The following TRAPPC12 variants were observed in gnomAD, a reference collection of about 807,000 sequenced individuals.
TRAPPC12 encodes the protein trafficking protein particle complex subunit 12.
A neutral mutation model predicts 69.2 loss-of-function variants in TRAPPC12; 61 were observed. The observed-to-expected ratio is 0.88, with a 90% CI of 0.72 to 1.09. The LOEUF (loss-of-function observed/expected upper bound fraction) is 1.09. Among genes scored for constraint, TRAPPC12 ranks in the 50% least tolerant of loss-of-function variants. TRAPPC12 has a pLI of 0.00. For missense variants in TRAPPC12, 1,101 were observed against 1,016.4 expected (o/e 1.08, Z -1.13); for synonymous variants, 469 against 438.9 (o/e 1.07, Z -0.86).
intron 5 of TRAPPC12, among the ~76,000 whole-genome samples, chr2:3,429,573 C>T (rs142904695): frequency 9.3e-4 from 141 of 152,326 alleles, no homozygotes; most frequent in African/African-American, 2.9e-3. Flanking sequence ...GTAGAGTACT[C>T]TTGCATTGCA....
chr2:3,387,508 G>A, intron 1 of TRAPPC12, 112 bp from the exon 2 acceptor site: 1 of 894,670 alleles, frequency 1.1e-6, no homozygotes, highest in Non-Finnish European at 1.7e-6. Context: ...ACATGGATAA[G>A]AAGCTGGAGA....
chr2:3,403,116 C>G (rs1661540805), intron 3 of TRAPPC12, among the ~76,000 whole-genome samples: 1 of 152,036 alleles, frequency 6.6e-6, no homozygotes, highest in Non-Finnish European at 1.5e-5. Flanking sequence ...ATTCACCTTT[C>G]AACTTTCAAA....
intron 3 of TRAPPC12, among the ~76,000 whole-genome samples, chr2:3,409,750 TAAAAAAAAA>T (rs71396989): frequency 4.6e-4 from 25 of 54,914 alleles, no homozygotes; most frequent in South Asian, 1.7e-3. Flanking sequence ...ACTTTGTCTT[TAAAAAAAAA>T]AAAAAAAAAA....
At chr2:3,449,761 G>A (rs1021202851) in intron 6 of TRAPPC12, among the ~76,000 whole-genome samples, 1 of 152,168 alleles carries the variant, frequency 6.6e-6, no homozygotes, top group African/African-American at 2.4e-5. Context: ...ACAGTGGCCA[G>A]TTATTGCCAT....
At chr2:3,439,624 CCTAT>C (rs1415858869) in intron 5 of TRAPPC12, among the ~76,000 whole-genome samples, 1 of 152,190 alleles carries the variant, frequency 6.6e-6, no homozygotes, top group Non-Finnish European at 1.5e-5. Context: ...CTATTTTCTT[CCTAT>C]CTGTGACTTG....
At chr2:3,393,683 C>A (rs980684674) in intron 2 of TRAPPC12, among the ~76,000 whole-genome samples, 2 of 106,002 alleles carry the variant, frequency 1.9e-5, no homozygotes, top group Non-Finnish European at 3.9e-5. Context: ...TCTATTTACC[C>A]ACATTTAAAA....
intron 9 of TRAPPC12, among the ~76,000 whole-genome samples, chr2:3,468,230 T>C (rs1665909701): frequency 6.6e-6 from 1 of 151,956 alleles, no homozygotes; most frequent in South Asian, 2.1e-4. Flanking sequence ...TCTTGAGGGC[T>C]CACTGGAAGG....
chr2:3,443,952 C>A (rs1664366179), intron 6 of TRAPPC12, 61 bp downstream of exon 6: 1 of 1,278,842 alleles, frequency 7.8e-7, no homozygotes, highest in Non-Finnish European at 1.1e-6. Context: ...GCCCTCCCCA[C>A]AGGACATGCC....
rs1486020224 is a variant in TRAPPC12, at chr2:3,414,586, C to T, written c.1165-7295C>T. Among the ~76,000 whole-genome samples, 1 of 151,478 alleles carries T rather than the reference C, an allele frequency of 6.6e-6. No individual in the cohort carries two copies. The highest frequency in any genetic ancestry group is 1.5e-5 in the Non-Finnish European group (1 of 67,920). On this transcript the variant is annotated intron_variant, in intron 3 of 11. Coordinates refer to ENST00000324266, the MANE Select transcript of TRAPPC12 (RefSeq NM_016030.6). The surrounding 1 kb of genome is among the most constrained non-coding windows in gnomAD (Gnocchi z 4.9). ...CGCTGTGCAGTGCCTTGAACGTGCT[C>T]TGCCGTGTGTCGGCCCGTTTCCTGA...
Position 3,453,612 on chromosome 2 carries a change from G to A in TRAPPC12, c.1531-4009G>A, listed in dbSNP as rs756877082. Among the ~76,000 whole-genome samples the A allele has an allele frequency of 3.3e-5, 5 of 152,296 alleles. No individual in the cohort carries two copies. The South Asian group carries it at 1.0e-3, about 32-fold the overall frequency. On this transcript the variant is annotated intron_variant, in intron 6 of 11. Coordinates refer to ENST00000324266, the MANE Select transcript of TRAPPC12 (RefSeq NM_016030.6). ...CAGAGCCTCTTCCCAAACGAACCGG[G>A]TGTGGCGTGCTGGGCCTTTATTCTT...
chr2:3,469,053 G>A (rs1665949130), intron 9 of TRAPPC12, among the ~76,000 whole-genome samples: 1 of 152,208 alleles, frequency 6.6e-6, no homozygotes, highest in Non-Finnish European at 1.5e-5. Context: ...AGAGAGCTCT[G>A]TTCCGAAGGG....
chr2:3,387,873 G>C lies in TRAPPC12; in HGVS notation c.250G>C (p.Asp84His), dbSNP rs529746013. 2 of 1,588,066 alleles carry C rather than the reference G, an allele frequency of 1.3e-6. No individual in the cohort carries two copies. The highest frequency in any genetic ancestry group is 2.3e-5 in the East Asian group (1 of 43,508). The stretch of plus-strand genomic sequence containing the variant: ...CCCCAACAGCGAGGGCGACGCGGGC[G>C]ACCTGGGCCGAGTGCGGGACGAAGC... ...DSPNSEGDAG[D>H]LGRVRDEAEP... The change falls in exon 2 of 12, where the codon GAC (aspartate) becomes CAC (histidine). Residue 84 changes from aspartate (D) to histidine (H), a missense_variant. Coordinates refer to ENST00000324266, the MANE Select transcript of TRAPPC12 (RefSeq NM_016030.6).
chr2:3,389,985 C>T (rs904478550), intron 2 of TRAPPC12, among the ~76,000 whole-genome samples: 1 of 152,042 alleles, frequency 6.6e-6, no homozygotes, highest in Non-Finnish European at 1.5e-5. Flanking sequence ...CAAAGGTGGG[C>T]ACGACAGTGG....
intron 9 of TRAPPC12, 110 bp downstream of exon 9, chr2:3,465,805 T>C: frequency 1.3e-6 from 1 of 793,926 alleles, no homozygotes; most frequent in Non-Finnish European, 2.2e-6. Flanking sequence ...CTGCAGAAAA[T>C]ATTCCAATTC....
At chr2:3,391,684 A>G (rs1660829620) in intron 2 of TRAPPC12, among the ~76,000 whole-genome samples, 3 of 152,178 alleles carry the variant, frequency 2.0e-5, no homozygotes, top group Admixed American at 2.0e-4. Flanking sequence ...ATGAATACCA[A>G]TTCCGGACTC....
In TRAPPC12 at chr2:3,424,662, G is replaced by C; in HGVS notation, c.1416G>C (p.Arg472Ser). The C allele has an allele frequency of 6.3e-7, 1 of 1,599,576 alleles. No homozygotes were observed. Among genetic ancestry groups the C allele is most frequent in the Non-Finnish European group, 8.5e-7 (1 of 1,174,368 alleles). Residue 472 changes from arginine (R) to serine (S), a missense_variant and splice_region_variant, in exon 5 of 12, where the codon AGG becomes AGC. Arg to Ser is a moderately radical substitution (Grantham distance 110, BLOSUM62 -1). Transcript: ENST00000324266. The part of the protein sequence containing the change: ...EYYPHVYPGR[R>S]GSMVPFSMRI... ...ACCCGCACGTGTACCCTGGGCGCAG[G>C]GGTAAGGCCATGGTATTTAATATTT...
intron 2 of TRAPPC12, among the ~76,000 whole-genome samples, chr2:3,399,808 TCCCCCCGCCACCGC>T (rs1661329883): frequency 7.3e-6 from 1 of 136,858 alleles, no homozygotes; most frequent in Non-Finnish European, 1.6e-5. Flanking sequence ...TTTCCCCCGC[TCCCCCCGCCACCGC>T]CCCGCCGCCA....
At chr2:3,431,110 G>A (rs747588413) in intron 5 of TRAPPC12, among the ~76,000 whole-genome samples, 6 of 152,242 alleles carry the variant, frequency 3.9e-5, no homozygotes, top group Non-Finnish European at 5.9e-5. Flanking sequence ...AGGCAGGCCC[G>A]CAGAGCCCCT....
intron 6 of TRAPPC12, among the ~76,000 whole-genome samples, chr2:3,454,145 C>A (rs1665002143): frequency 6.6e-6 from 1 of 152,248 alleles, no homozygotes; most frequent in Non-Finnish European, 1.5e-5. Flanking sequence ...CAGATCCCTG[C>A]AGGCACTTGG....
Sources: allele counts gnomAD v4.1 joint callset (sites outside exome capture counted in the v4.1 genomes callset), GRCh38; gene constraint gnomAD v4.1.1; non-coding constraint Gnocchi (gnomAD v3.1); transcripts MANE v1.5; gene names NCBI Gene and HGNC (gene_info 2026-07-23, HGNC 2026-07-21).